PRICKLE2: variants seen among roughly 807,000 people sequenced by gnomAD.
PRICKLE2 encodes the protein prickle planar cell polarity protein 2, also known as prickle-like protein 2.
Under a neutral mutation model 81.4 loss-of-function variants are expected in PRICKLE2, and 21 were observed. The ratio of observed to expected loss-of-function variants is 0.26; its 90% CI spans 0.18 to 0.37. The LOEUF (loss-of-function observed/expected upper bound fraction) is 0.37. Among genes scored for constraint, PRICKLE2 ranks in the 10% least tolerant of loss-of-function variants. PRICKLE2 has a pLI of 1.00. For synonymous variants in PRICKLE2, 456 were observed against 421.5 expected, an observed-to-expected ratio of 1.08 and a Z score of -1.00; for missense variants, 940 against 1,109.0, an observed-to-expected ratio of 0.85 and a Z score of 2.16.
chr3:64,216,575 T>C (rs1248723552), intron 1 of PRICKLE2, among the ~76,000 whole-genome samples: 1 of 152,230 alleles, frequency 6.6e-6, no homozygotes, highest in Non-Finnish European at 1.5e-5. Flanking sequence ...GGATGCTGCA[T>C]CTTAGCAATT....
chr3:64,219,827 A>G (rs559894148), intron 1 of PRICKLE2, among the ~76,000 whole-genome samples: 112 of 152,356 alleles, frequency 7.4e-4, no homozygotes, highest in African/African-American at 2.6e-3. Context: ...TTCGAATCCC[A>G]GCATTACTCT....
chr3:64,214,393 A>G (rs1345948713), intron 1 of PRICKLE2, among the ~76,000 whole-genome samples: 1 of 152,192 alleles, frequency 6.6e-6, no homozygotes, highest in Non-Finnish European at 1.5e-5. Flanking sequence ...TGAGTTAGAC[A>G]CAACAGGGAA....
intron 7 of PRICKLE2, among the ~76,000 whole-genome samples, chr3:64,128,076 C>T (rs2077138172): frequency 6.6e-6 from 1 of 152,030 alleles, no homozygotes; most frequent in African/African-American, 2.4e-5. Flanking sequence ...TTGGGGGTTG[C>T]TCCCATGGAA....
chr3:64,186,027 T>A (rs555384650), intron 2 of PRICKLE2, among the ~76,000 whole-genome samples: 3 of 152,314 alleles, frequency 2.0e-5, no homozygotes, highest in South Asian at 4.1e-4. Context: ...TGAAATCACA[T>A]AGTGTGTACT....
At chr3:64,218,100 G>A (rs2078900397) in intron 1 of PRICKLE2, among the ~76,000 whole-genome samples, 1 of 152,146 alleles carries the variant, frequency 6.6e-6, no homozygotes, top group Non-Finnish European at 1.5e-5. Flanking sequence ...GACGGATAAT[G>A]AACTGGGATT....
intron 7 of PRICKLE2, among the ~76,000 whole-genome samples, chr3:64,120,946 A>G (rs1010088265): frequency 6.6e-6 from 1 of 152,182 alleles, no homozygotes; most frequent in Non-Finnish European, 1.5e-5. Context: ...CAAAGCCAGG[A>G]CTGAATTCTT....
intron 6 of PRICKLE2, among the ~76,000 whole-genome samples, chr3:64,149,825 C>T (rs1163199030): frequency 6.6e-6 from 1 of 152,132 alleles, no homozygotes; most frequent in Non-Finnish European, 1.5e-5. Context: ...TTAGCTCTTT[C>T]CCAAACTATG....
intron 1 of PRICKLE2, among the ~76,000 whole-genome samples, chr3:64,211,660 C>A (rs2078788124): frequency 6.6e-6 from 1 of 152,176 alleles, no homozygotes; most frequent in East Asian, 1.9e-4. Flanking sequence ...ATTCTTGTAA[C>A]TTTGATCTAA....
chr3:64,251,400 C>G (rs1032001911), intron 2 of PRICKLE2, among the ~76,000 whole-genome samples: 2 of 152,214 alleles, frequency 1.3e-5, no homozygotes, highest in Non-Finnish European at 2.9e-5. Context: ...CCCACTCCCC[C>G]ACCACAGTAG....
intron 1 of PRICKLE2, among the ~76,000 whole-genome samples, chr3:64,218,968 GA>G: frequency 6.6e-6 from 1 of 152,256 alleles, no homozygotes; most frequent in Non-Finnish European, 1.5e-5. Context: ...GAGAGCTTCT[GA>G]AAGTGAACGA....
In PRICKLE2 at chr3:64,262,742, C is replaced by T. The variant is rs189552526; in HGVS notation, c.129-63775G>A. On this transcript the variant is annotated intron_variant, in intron 2 of 8. Transcript: ENST00000295902. ...GGAAGCAAGAGGAGGGAATGATCCACTGGGACAAACCCTGCTGACAGGCAG... is the reference window on the plus strand; with the variant it reads ...GGAAGCAAGAGGAGGGAATGATCCATTGGGACAAACCCTGCTGACAGGCAG... Among the ~76,000 whole-genome samples, 5 of 152,232 alleles carry T rather than the reference C, an allele frequency of 3.3e-5. No homozygotes were observed. The East Asian group carries it at 9.7e-4, about 30-fold the overall frequency.
At chr3:64,256,670 T>C (rs1177671603) in intron 2 of PRICKLE2, among the ~76,000 whole-genome samples, 2 of 152,318 alleles carry the variant, frequency 1.3e-5, no homozygotes, top group East Asian at 1.9e-4. Context: ...TATAATCCTA[T>C]AGAAAAGTAT....
At chr3:64,164,336 CA>C (rs1212828280) in intron 2 of PRICKLE2, among the ~76,000 whole-genome samples, 1 of 151,958 alleles carries the variant, frequency 6.6e-6, no homozygotes, top group Non-Finnish European at 1.5e-5. Flanking sequence ...GACTCTTTCT[CA>C]AAAAACATCA....
At chr3:64,210,311 T>G (rs1036904876) in intron 1 of PRICKLE2, among the ~76,000 whole-genome samples, 1 of 152,196 alleles carries the variant, frequency 6.6e-6, no homozygotes, top group Non-Finnish European at 1.5e-5. Flanking sequence ...TTCCCCTTTT[T>G]TGGCAAACAC....
In PRICKLE2 at chr3:64,153,422, T is replaced by C. The variant is rs2077577320; in HGVS notation, c.601-54A>G. On this transcript the variant is annotated intron_variant, in intron 5 of 7. Coordinates refer to ENST00000638394, the MANE Select transcript of PRICKLE2 (RefSeq NM_198859.4). ...GTGTAAAACCCATCCAGAACATATT[T>C]TAAAGGAAGAAAGCTATGGGGTCCT... The C allele has an allele frequency of 5.1e-6, 8 of 1,575,658 alleles. No individual in the cohort carries two copies. In the South Asian group the frequency reaches 7.8e-5, roughly 15 times the overall value.
intron 3 of PRICKLE2, 24 bp from the exon 4 acceptor site, chr3:64,160,101 T>C (rs767016309): frequency 6.2e-7 from 1 of 1,612,756 alleles, no homozygotes; most frequent in South Asian, 1.1e-5. Context: ...GACAATGGCA[T>C]GGAAAAAGTC....
At chr3:64,196,565 A>T (rs1381943543) in intron 2 of PRICKLE2, among the ~76,000 whole-genome samples, 1 of 152,184 alleles carries the variant, frequency 6.6e-6, no homozygotes, top group Non-Finnish European at 1.5e-5. Context: ...ATCTTTACTA[A>T]AACAGAAGAT....
chr3:64,133,609 T>C (rs1413776423), intron 7 of PRICKLE2, among the ~76,000 whole-genome samples: 1 of 152,114 alleles, frequency 6.6e-6, no homozygotes, highest in Non-Finnish European at 1.5e-5. Context: ...GGGGGATCAG[T>C]GCAGGAAGGC....
At chr3:64,104,189 A>T (rs989439113) in intron 7 of PRICKLE2, among the ~76,000 whole-genome samples, 1 of 152,192 alleles carries the variant, frequency 6.6e-6, no homozygotes, top group Non-Finnish European at 1.5e-5. Flanking sequence ...TATCTCTTAC[A>T]TACAAATCAT....
Sources: gnomAD v4.1 joint callset for allele counts (sites outside exome capture counted in the v4.1 genomes callset) on GRCh38, gnomAD v4.1.1 for gene constraint, MANE v1.5 for transcripts, NCBI Gene and HGNC (gene_info 2026-07-23, HGNC 2026-07-21) for gene names.